Variants in PCDH15 observed in about 807,000 individuals in gnomAD.
PCDH15 encodes protocadherin-15.
A neutral mutation model predicts 178.5 loss-of-function variants in PCDH15; 129 were observed. That is an observed-to-expected ratio of 0.72 (90% CI 0.63 to 0.84). The LOEUF (loss-of-function observed/expected upper bound fraction) is 0.84. Ranked by LOEUF, PCDH15 falls within the 40% of genes least tolerant of loss-of-function variation. PCDH15 has a pLI of 0.00. For missense variants in PCDH15, 2,230 were observed against 2,099.9 expected (o/e 1.06, Z -1.21); for synonymous variants, 800 against 732.0 (o/e 1.09, Z -1.50).
chr10:53,830,956 G>C (rs2076979715), intron 30 of PCDH15, among the ~76,000 whole-genome samples: 1 of 152,120 alleles, frequency 6.6e-6, no homozygotes, highest in East Asian at 1.9e-4. Context: ...GGGCAGAGTG[G>C]GTATCCGCAT....
intron 2 of PCDH15, among the ~76,000 whole-genome samples, chr10:55,042,820 T>C (rs1355885582): frequency 6.6e-6 from 1 of 152,196 alleles, no homozygotes; most frequent in Non-Finnish European, 1.5e-5. Context: ...ATGATCTACC[T>C]TCCAGTCTTT....
rs191786670 is a variant in PCDH15 at position 53,828,843 on chromosome 10, T to C, written c.4203-270A>G. Among the ~76,000 whole-genome samples the C allele has an allele frequency of 1.1e-3, 167 of 152,278 alleles. 1 individual carries two copies. The highest frequency in any genetic ancestry group is 6.8e-3 in the Middle Eastern group (2 of 294). The stretch of plus-strand genomic sequence containing the variant: ...ATAGAATAAGAAAACTGGATTAAAA[T>C]GTAAATGTGAGAATTTCAACTCTAG... On this transcript the variant is annotated intron_variant, in intron 30 of 37. Coordinates refer to ENST00000644397, the MANE Select transcript of PCDH15 (RefSeq NM_001384140.1).
chr10:53,983,170 T>G (rs1282911701), intron 21 of PCDH15, among the ~76,000 whole-genome samples: 1 of 152,068 alleles, frequency 6.6e-6, no homozygotes, highest in African/African-American at 2.4e-5. Context: ...CTCCCAAGTA[T>G]GATTTAACAT....
chr10:55,030,833 G>T (rs1840592247), intron 2 of PCDH15, among the ~76,000 whole-genome samples: 1 of 152,090 alleles, frequency 6.6e-6, no homozygotes, highest in East Asian at 1.9e-4. Context: ...GTTAGGGGAA[G>T]ATAAAATAAT....
chr10:53,928,102 T>C (rs2084729260), intron 25 of PCDH15, among the ~76,000 whole-genome samples: 2 of 152,088 alleles, frequency 1.3e-5, no homozygotes, highest in Admixed American at 1.3e-4. Context: ...ACATAGGATA[T>C]GCCCAGTAGA....
At chr10:55,337,179 A>G (rs1169099093) in intron 2 of PCDH15, among the ~76,000 whole-genome samples, 1 of 152,242 alleles carries the variant, frequency 6.6e-6, no homozygotes, top group African/African-American at 2.4e-5. Context: ...CTAAAATCTC[A>G]GATGATAAAA....
chr10:54,974,854 A>G (rs564703428), intron 2 of PCDH15, among the ~76,000 whole-genome samples: 1 of 152,298 alleles, frequency 6.6e-6, no homozygotes, highest in African/African-American at 2.4e-5. Context: ...GAACTTTTTC[A>G]TGCATATTTA....
chr10:55,155,760 T>G (rs1367635181), intron 2 of PCDH15, among the ~76,000 whole-genome samples: 2 of 152,122 alleles, frequency 1.3e-5, no homozygotes, highest in Non-Finnish European at 2.9e-5. Flanking sequence ...AAGTCCCTGA[T>G]GAGTAAACTG....
intron 1 of PCDH15, among the ~76,000 whole-genome samples, chr10:54,765,135 A>G (rs1948353602): frequency 6.6e-6 from 1 of 152,168 alleles, no homozygotes; most frequent in African/African-American, 2.4e-5. Context: ...TTAAGAATCT[A>G]TACTAATTTC....
At chr10:55,526,569 G>A (rs1042429701) in intron 2 of PCDH15, among the ~76,000 whole-genome samples, 1 of 151,860 alleles carries the variant, frequency 6.6e-6, no homozygotes, top group South Asian at 2.1e-4. Context: ...CAAAATCACT[G>A]TTATACATGA....
intron 3 of PCDH15, among the ~76,000 whole-genome samples, chr10:54,487,667 T>C (rs2079208719): frequency 6.6e-6 from 1 of 152,036 alleles, no homozygotes; most frequent in African/African-American, 2.4e-5. Flanking sequence ...CATCAATATC[T>C]ATCAATTACT....
chr10:53,953,634 C>A (rs1387190895), intron 23 of PCDH15, among the ~76,000 whole-genome samples: 2 of 151,934 alleles, frequency 1.3e-5, no homozygotes, highest in African/African-American at 4.8e-5. Flanking sequence ...ACCAGAAAAA[C>A]ATCATTTTCC....
At chr10:55,439,168 A>C (rs1839119644) in intron 2 of PCDH15, among the ~76,000 whole-genome samples, 6 of 151,848 alleles carry the variant, frequency 4.0e-5, no homozygotes, top group Admixed American at 3.9e-4. Context: ...CTCTCAAATT[A>C]TTTTTTCCAG....
chr10:55,384,245 T>C (rs902954768), intron 2 of PCDH15, among the ~76,000 whole-genome samples: 2 of 152,160 alleles, frequency 1.3e-5, no homozygotes, highest in African/African-American at 2.4e-5. Context: ...AATCACCTTT[T>C]ACTTGTTGAA....
chr10:55,451,849 T>C (rs1299371232), intron 2 of PCDH15, among the ~76,000 whole-genome samples: 1 of 152,228 alleles, frequency 6.6e-6, no homozygotes, highest in Non-Finnish European at 1.5e-5. Context: ...TATCTGATTG[T>C]TTCTAAACAC....
At chr10:55,141,171 A>G (rs879274675) in intron 2 of PCDH15, among the ~76,000 whole-genome samples, 19 of 152,030 alleles carry the variant, frequency 1.2e-4, no homozygotes, top group Non-Finnish European at 2.2e-4. Context: ...TGGGACAACA[A>G]CATTACAAAT....
intron 3 of PCDH15, among the ~76,000 whole-genome samples, chr10:54,840,998 T>C (rs1486905465): frequency 6.6e-6 from 1 of 151,748 alleles, no homozygotes; most frequent in Non-Finnish European, 1.5e-5. Context: ...ACCACCCCAA[T>C]TTCCATACTG....
At chr10:55,375,308 G>A (rs1030927220) in intron 2 of PCDH15, among the ~76,000 whole-genome samples, 3 of 152,010 alleles carry the variant, frequency 2.0e-5, no homozygotes, top group Middle Eastern at 3.2e-3. Context: ...TATTTAAATC[G>A]ATTTTTAAGT....
intron 4 of PCDH15, among the ~76,000 whole-genome samples, chr10:54,374,104 A>C (rs1948072270): frequency 1.3e-5 from 2 of 152,056 alleles, no homozygotes. Flanking sequence ...CTGTTTCAGC[A>C]CTCTGGTTGT....
Sources: gnomAD v4.1 joint callset for allele counts (sites outside exome capture counted in the v4.1 genomes callset) on GRCh38, gnomAD v4.1.1 for gene constraint, MANE v1.5 for transcripts, NCBI Gene and HGNC (gene_info 2026-07-23, HGNC 2026-07-21) for gene names.